Variants in GLIS3 observed in about 807,000 individuals in gnomAD.
GLIS3 encodes the protein GLIS family zinc finger 3.
In GLIS3, 53 loss-of-function variants were observed where a neutral mutation model predicts 78.6. The observed-to-expected ratio is 0.67, with a 90% confidence interval of 0.54 to 0.85. The LOEUF is 0.85. Among genes scored for constraint, GLIS3 ranks in the 40% least tolerant of loss-of-function variants. The pLI is 0.00. For missense variants in GLIS3, 1,703 were observed against 1,231.1 expected (o/e 1.38, Z -5.74); for synonymous variants, 684 against 509.9 (o/e 1.34, Z -4.60).
chr9:4,360,136 C>A, the GLIS3 span, among the ~76,000 whole-genome samples: 1 of 152,128 alleles, frequency 6.6e-6, no homozygotes, highest in Admixed American at 6.5e-5. Flanking sequence ...AGGTTTTATG[C>A]AAACCATGCT....
At chr9:4,264,166 T>C (rs1029552194) in intron 2 of GLIS3, among the ~76,000 whole-genome samples, 3 of 152,326 alleles carry the variant, frequency 2.0e-5, no homozygotes, top group Admixed American at 1.3e-4. Flanking sequence ...TCTCAGGAAA[T>C]TGTATTGCCA....
intron 1 of GLIS3, among the ~76,000 whole-genome samples, chr9:4,295,437 G>T (rs1010167066): frequency 1.3e-5 from 2 of 152,166 alleles, no homozygotes; most frequent in Non-Finnish European, 2.9e-5. Context: ...AAGCCAGACT[G>T]TTTCCATCAT....
intron 4 of GLIS3, among the ~76,000 whole-genome samples, chr9:4,028,135 G>A (rs866952058): frequency 6.6e-6 from 1 of 152,266 alleles, no homozygotes; most frequent in Middle Eastern, 3.4e-3. Flanking sequence ...GTGCCATAGA[G>A]AATTTTGAAG....
chr9:3,917,198 A>G (rs527726439), intron 6 of GLIS3, among the ~76,000 whole-genome samples: 84 of 152,384 alleles, frequency 5.5e-4, no homozygotes, highest in African/African-American at 1.9e-3. Context: ...TAACTTAACC[A>G]TAACAATGTA....
chr9:3,844,417 CAATT>C (rs1338661863), intron 9 of GLIS3, among the ~76,000 whole-genome samples: 2 of 152,238 alleles, frequency 1.3e-5, no homozygotes, highest in Non-Finnish European at 2.9e-5. Flanking sequence ...ATCAGAAAAA[CAATT>C]AATTCATTTT....
At chr9:4,331,703 G>C (rs1375349987) in intron 2 of GLIS3, among the ~76,000 whole-genome samples, 2 of 152,170 alleles carry the variant, frequency 1.3e-5, no homozygotes, top group African/African-American at 4.8e-5. Flanking sequence ...GCAGGCACTG[G>C]TCACAGACTT....
the GLIS3 span, among the ~76,000 whole-genome samples, chr9:4,368,298 G>T: frequency 6.6e-6 from 1 of 150,608 alleles, no homozygotes; most frequent in Non-Finnish European, 1.5e-5. Flanking sequence ...ACGAGGCAGA[G>T]AAATGAAAGA....
the GLIS3 span, among the ~76,000 whole-genome samples, chr9:4,442,416 C>T: frequency 6.6e-6 from 1 of 152,030 alleles, no homozygotes; most frequent in Non-Finnish European, 1.5e-5. Flanking sequence ...CTTCCCTCCC[C>T]ACCCCCTAAA....
Position 4,024,573 on chromosome 9 carries a change from T to C in GLIS3, c.1711-87384A>G, listed in dbSNP as rs1306149387. 2.0e-5 allele frequency among the ~76,000 whole-genome samples: 3 copies of C among 152,266 alleles called. No homozygotes were observed. The East Asian group carries it at 5.8e-4, about 29-fold the overall frequency. On this transcript the variant is annotated intron_variant, in intron 4 of 10. Transcript: ENST00000381971. Reference sequence around the variant, plus strand: ...ATTTCTCCTGTTTTTCACAATGATTTACTGGTGGGAAGCTCAGAGTGTATG... The same window carrying C: ...ATTTCTCCTGTTTTTCACAATGATTCACTGGTGGGAAGCTCAGAGTGTATG...
intron 2 of GLIS3, among the ~76,000 whole-genome samples, chr9:4,264,995 T>A (rs556752871): frequency 6.7e-6 from 1 of 149,938 alleles, no homozygotes; most frequent in Non-Finnish European, 1.5e-5. Flanking sequence ...TGAAACCCCA[T>A]CTCTACTAAA....
the GLIS3 span, among the ~76,000 whole-genome samples, chr9:4,475,947 C>T: frequency 6.6e-6 from 1 of 152,082 alleles, no homozygotes; most frequent in Non-Finnish European, 1.5e-5. Flanking sequence ...TGGGGTCTTG[C>T]TATGTTAACC....
chr9:4,245,377 G>C (rs72690043), intron 2 of GLIS3, among the ~76,000 whole-genome samples: 2 of 152,248 alleles, frequency 1.3e-5, no homozygotes, highest in African/African-American at 2.4e-5. Context: ...ATTCGGGTGC[G>C]AACTCATCAC....
intron 2 of GLIS3, among the ~76,000 whole-genome samples, chr9:4,270,924 T>C (rs983734483): frequency 1.8e-5 from 2 of 112,040 alleles, no homozygotes; most frequent in Non-Finnish European, 3.6e-5. Flanking sequence ...TGTGTGTGTG[T>C]GTGTGTGTGT....
At chr9:4,360,412 G>A in the GLIS3 span, among the ~76,000 whole-genome samples, 5 of 152,124 alleles carry the variant, frequency 3.3e-5, no homozygotes, top group Admixed American at 3.3e-4. Context: ...CACCAGCTCA[G>A]ACAGATGTGA....
intron 2 of GLIS3, among the ~76,000 whole-genome samples, chr9:4,266,280 GA>G (rs924297817): frequency 7.7e-4 from 113 of 147,678 alleles, no homozygotes; most frequent in Non-Finnish European, 1.1e-3. Flanking sequence ...GGCTCAAGAA[GA>G]AAAAAAAAAA....
In GLIS3 at chr9:4,017,148, T is replaced by C. The variant is rs150037951; in HGVS notation, c.1711-79959A>G. On this transcript the variant is annotated intron_variant, in intron 4 of 10. Coordinates refer to ENST00000381971, the MANE Select transcript of GLIS3 (RefSeq NM_001042413.2). ...TCTTCCCACCACACTGCCACCCAGA[T>C]ATCTGCAAAGGTCAGTTCTTACTAC... Among the ~76,000 whole-genome samples the C allele has an allele frequency of 2.8e-3, 426 of 152,308 alleles. 6 individuals are homozygous for C. The highest frequency in any genetic ancestry group is 9.7e-3 in the African/African-American group (405 of 41,562).
chr9:4,075,854 A>G lies in GLIS3; in HGVS notation c.1710+41914T>C, dbSNP rs947440804. 5.9e-5 allele frequency among the ~76,000 whole-genome samples: 9 copies of G among 152,204 alleles called. 1 individual carries two copies. The highest frequency in any genetic ancestry group is 1.9e-4 in the African/African-American group (8 of 41,464). On this transcript the variant is annotated intron_variant, in intron 4 of 10. Transcript: ENST00000381971. ...TACTGAGGAAAAGAAGTGAGAAACA[A>G]AAGTGTACATACAGCATTATTCCAT...
chr9:4,196,141 T>A (rs964134297), intron 2 of GLIS3, among the ~76,000 whole-genome samples: 1 of 152,114 alleles, frequency 6.6e-6, no homozygotes, highest in Non-Finnish European at 1.5e-5. Context: ...GCTAATCTAG[T>A]GGGGACTTGG....
intron 1 of GLIS3, among the ~76,000 whole-genome samples, chr9:4,288,309 T>C (rs774973064): frequency 7.8e-4 from 119 of 152,198 alleles, no homozygotes; most frequent in Non-Finnish European, 1.4e-3. Context: ...AAAGCACGTA[T>C]TCAGCAGCAA....
Sources: allele counts gnomAD v4.1 joint callset (sites outside exome capture counted in the v4.1 genomes callset), GRCh38; gene constraint gnomAD v4.1.1; transcripts MANE v1.5; gene names NCBI Gene and HGNC (gene_info 2026-07-23, HGNC 2026-07-21).